The following CYB5R3 variants were observed in gnomAD, a reference collection of about 807,000 sequenced individuals.
The protein encoded by CYB5R3 is cytochrome b5 reductase 3, also known as NADH-cytochrome b5 reductase 3.
In CYB5R3, 28 loss-of-function variants were observed where a neutral mutation model predicts 36.5. That is an observed-to-expected ratio of 0.77 (90% confidence interval 0.57 to 1.05). The LOEUF (loss-of-function observed/expected upper bound fraction) is 1.05, where lower values mean the gene tolerates loss of function less well. Among genes scored for constraint, CYB5R3 ranks in the 50% least tolerant of loss-of-function variants. The pLI is 0.00. For synonymous variants in CYB5R3, 181 were observed against 159.8 expected (o/e 1.13, Z -1.00); for missense variants, 474 against 408.9 (o/e 1.16, Z -1.37).
chr22:42,645,077 C>A (rs1929475694), intron 1 of CYB5R3, among the ~76,000 whole-genome samples: 2 of 152,146 alleles, frequency 1.3e-5, no homozygotes, highest in Admixed American at 1.3e-4. Flanking sequence ...TGGAAGTGAG[C>A]CTGGGTGGGC....
At position 42,640,320 on chromosome 22, in the gene CYB5R3, T is replaced by C. The variant is rs1007389554; in HGVS notation, c.22-3474A>G. On this transcript the variant is annotated intron_variant, in intron 1 of 8. Coordinates refer to ENST00000352397, the MANE Select transcript of CYB5R3 (RefSeq NM_000398.7). ...ATCATCCCGAATGGCCAGCTGAAGG[T>C]CACCCCCCGGAAGGACCCTGCGTGG... 1.1e-5 allele frequency: 17 copies of C among 1,490,180 alleles called. No individual in the cohort carries two copies. In the African/African-American group the frequency reaches 2.4e-4, roughly 21 times the overall value. The allele number at this position is 1,490,180 out of a possible 1,614,324, so 92.3% of individuals were successfully genotyped here.
At chr22:42,638,728 TAAAAAAA>T (rs67349863) in intron 1 of CYB5R3, among the ~76,000 whole-genome samples, 4 of 47,488 alleles carry the variant, frequency 8.4e-5, no homozygotes, top group African/African-American at 2.2e-4. Flanking sequence ...CAAGACTCCA[TAAAAAAA>T]AAAAAAAAAA....
intron 1 of CYB5R3, chr22:42,640,188 T>C: frequency 1.2e-6 from 2 of 1,611,182 alleles, no homozygotes; most frequent in Non-Finnish European, 1.7e-6. Context: ...AGTACCAAAA[T>C]GCGGCCAATC....
At chr22:42,622,826 C>T (rs913499568) in intron 8 of CYB5R3, among the ~76,000 whole-genome samples, 1 of 152,236 alleles carries the variant, frequency 6.6e-6, no homozygotes, top group African/African-American at 2.4e-5. Flanking sequence ...TAGGAGGTGC[C>T]GGAGGCAAAG....
chr22:42,641,698 C>G (rs1193863790), intron 1 of CYB5R3, among the ~76,000 whole-genome samples: 1 of 152,222 alleles, frequency 6.6e-6, no homozygotes, highest in Non-Finnish European at 1.5e-5. Flanking sequence ...GTTGGCCAGG[C>G]TGGTCTCGAA....
Position 42,619,231 on chromosome 22 carries a change from T to C in CYB5R3, c.*542A>G, listed in dbSNP as rs2146858143. On this transcript the variant is annotated 3_prime_UTR_variant, in exon 9 of 9. Coordinates refer to ENST00000352397, the MANE Select transcript of CYB5R3 (RefSeq NM_000398.7). ...GCCAGAGGAGAGCCAAGCTCCCGGC[T>C]GGCCAGGGCCCTGGGGTAGGGAGCA... 1 of 156,056 alleles carries C rather than the reference T, an allele frequency of 6.4e-6. No individual in the cohort carries two copies. Among genetic ancestry groups the C allele is most frequent in the Non-Finnish European group, 1.4e-5 (1 of 70,126 alleles). The allele number at this position is 156,056 out of a possible 1,614,324, so 9.7% of individuals were successfully genotyped here. A position where few individuals can be genotyped will look rare whatever the true frequency, so the allele number is the denominator to read the frequency against.
chr22:42,636,107 T>G (rs2146892609), intron 2 of CYB5R3, among the ~76,000 whole-genome samples: 1 of 152,044 alleles, frequency 6.6e-6, no homozygotes, highest in African/African-American at 2.4e-5. Flanking sequence ...TCGCAGCTAC[T>G]CAGGGGGCTG....
chr22:42,642,218 C>T (rs921702572), intron 1 of CYB5R3, among the ~76,000 whole-genome samples: 2 of 151,398 alleles, frequency 1.3e-5, no homozygotes, highest in Admixed American at 1.3e-4. Context: ...CCCAAGCAAT[C>T]CTCCCAGCCC....
rs770058229 is a variant in CYB5R3, at chr22:42,627,703, G to T, written c.464-15C>A. The T allele has an allele frequency of 1.9e-6, 3 of 1,592,054 alleles. No individual in the cohort carries two copies. The highest frequency in any genetic ancestry group is 2.6e-6 in the Non-Finnish European group (3 of 1,159,832). On this transcript the variant is annotated splice_polypyrimidine_tract_variant and intron_variant, in intron 5 of 8. Transcript: ENST00000352397. The stretch of plus-strand genomic sequence containing the variant: ...GGCGAACTTCCCTGGGGAGAGAGAA[G>T]GGGTGAGGCCCGGCCATCAAACATG...
intron 4 of CYB5R3, among the ~76,000 whole-genome samples, chr22:42,629,301 T>C (rs1928484014): frequency 6.6e-6 from 1 of 152,082 alleles, no homozygotes; most frequent in Admixed American, 6.5e-5. Flanking sequence ...TCCTTGAGCC[T>C]GCTGCTGACT....
intron 4 of CYB5R3, among the ~76,000 whole-genome samples, chr22:42,629,971 T>C (rs1290602290): frequency 6.6e-6 from 1 of 152,140 alleles, no homozygotes; most frequent in Non-Finnish European, 1.5e-5. Flanking sequence ...CTAATTTTTT[T>C]GTATTTTTAG....
intron 7 of CYB5R3, among the ~76,000 whole-genome samples, chr22:42,624,370 G>T (rs1397328751): frequency 6.6e-6 from 1 of 152,120 alleles, no homozygotes; most frequent in Admixed American, 6.5e-5. Flanking sequence ...TCTCATTCAG[G>T]TTGTACCTCC....
Position 42,646,965 on chromosome 22 carries a change from G to A in CYB5R3, c.21+2330C>T, listed in dbSNP as rs1929566816. 3 of 985,584 alleles carry A rather than the reference G, an allele frequency of 3.0e-6. No homozygotes were observed. The African/African-American group carries it at 5.2e-5, about 17-fold the overall frequency. 61.1% of individuals were successfully genotyped at this position (985,584 alleles called of 1,614,324 possible). A position where few individuals can be genotyped will look rare whatever the true frequency, so the allele number is the denominator to read the frequency against. On this transcript the variant is annotated intron_variant, in intron 1 of 8. Coordinates refer to ENST00000352397, the MANE Select transcript of CYB5R3 (RefSeq NM_000398.7). The stretch of plus-strand genomic sequence containing the variant: ...ACCACAGTTCAGGATGGCAGACCAA[G>A]CTCCAATGTTTTCCCAGTGTGGCTG...
chr22:42,620,094 C>T (rs1927885747), intron 8 of CYB5R3, 149 bp from the exon 9 acceptor site: 3 of 803,196 alleles, frequency 3.7e-6, no homozygotes, highest in Non-Finnish European at 6.3e-6. Flanking sequence ...TGCCCCCAAC[C>T]CTGACTCAAG....
At chr22:42,632,206 A>T (rs981901315) in intron 2 of CYB5R3, 11 of 152,340 alleles carry the variant, frequency 7.2e-5, no homozygotes, top group African/African-American at 2.7e-4. Flanking sequence ...CGGAGCTGGA[A>T]CCAAACCCAG....
chr22:42,641,317 T>C (rs1486903516), intron 1 of CYB5R3, among the ~76,000 whole-genome samples: 1 of 152,118 alleles, frequency 6.6e-6, no homozygotes, highest in Admixed American at 6.6e-5. Context: ...GGATTTTCTT[T>C]TTTTTTTCTT....
Position 42,649,350 on chromosome 22 carries a change from G to A in CYB5R3, c.-35C>T, listed in dbSNP as rs1256422896. 1.3e-5 allele frequency: 12 copies of A among 892,394 alleles called. 1 individual carries two copies. The Admixed American group carries it at 3.0e-4, about 22-fold the overall frequency. The allele number at this position is 892,394 out of a possible 1,614,324, so 55.3% of individuals were successfully genotyped here. ...GCGCCGCGCTCGCTCTGTCGCCGCC[G>A]CCGCCGCCGCCGAGACCGTCGCGCC... On this transcript the variant is annotated 5_prime_UTR_variant, in exon 1 of 9. Transcript: ENST00000352397.
intron 8 of CYB5R3, 149 bp from the exon 9 acceptor site, chr22:42,620,094 C>G: frequency 1.2e-6 from 1 of 803,196 alleles, no homozygotes; most frequent in Admixed American, 2.0e-5. Flanking sequence ...TGCCCCCAAC[C>G]CTGACTCAAG....
At chr22:42,648,979 G>C (rs1929648663) in intron 1 of CYB5R3, among the ~76,000 whole-genome samples, 1 of 152,138 alleles carries the variant, frequency 6.6e-6, no homozygotes, top group African/African-American at 2.4e-5. Context: ...CACAACCACG[G>C]GTCCCTCCAG....
Sources: allele counts gnomAD v4.1 joint callset (sites outside exome capture counted in the v4.1 genomes callset), GRCh38; gene constraint gnomAD v4.1.1; transcripts MANE v1.5; gene names NCBI Gene and HGNC (gene_info 2026-07-23, HGNC 2026-07-21).